RALGPS1: variants seen among roughly 807,000 people sequenced by gnomAD.
RALGPS1 encodes the protein Ral GEF with PH domain and SH3 binding motif 1.
A neutral mutation model predicts 78.8 loss-of-function variants in RALGPS1; 19 were observed. That is an observed-to-expected ratio of 0.24 (90% CI 0.17 to 0.35). RALGPS1 has a LOEUF of 0.35. RALGPS1 is among the 10% of genes least tolerant of loss of function. The pLI, the probability that RALGPS1 is intolerant of heterozygous loss-of-function variation, is 1.00. For synonymous variants in RALGPS1, 228 were observed against 256.3 expected (o/e 0.89, Z 1.06); for missense variants, 454 against 688.3 (o/e 0.66, Z 3.81).
At chr9:127,141,578 C>T (rs1385818294) in intron 8 of RALGPS1, among the ~76,000 whole-genome samples, 1 of 117,192 alleles carries the variant, frequency 8.5e-6, no homozygotes, top group African/African-American at 3.4e-5. Flanking sequence ...AATGAAACTT[C>T]AGAGACTCTC....
chr9:127,007,146 C>T (rs1485817321), intron 4 of RALGPS1, among the ~76,000 whole-genome samples: 1 of 152,182 alleles, frequency 6.6e-6, no homozygotes, highest in African/African-American at 2.4e-5. Flanking sequence ...CTTTGTCTCC[C>T]ATATGCTTAG....
intron 4 of RALGPS1, among the ~76,000 whole-genome samples, chr9:127,003,465 A>G (rs957461039): frequency 1.7e-4 from 26 of 152,106 alleles, no homozygotes; most frequent in Non-Finnish European, 2.6e-4. Context: ...GTTCATCATC[A>G]CTGGCCATCA....
chr9:127,147,632 C>T (rs1186061132), intron 8 of RALGPS1, among the ~76,000 whole-genome samples: 1 of 152,142 alleles, frequency 6.6e-6, no homozygotes, highest in Non-Finnish European at 1.5e-5. Context: ...TATTGAGTAG[C>T]GAGTCCTTTT....
rs1372611708 is a variant in RALGPS1, at chr9:127,166,150, A to G, written c.692A>G (p.Asn231Ser). ...ATCATGGAAAATGAACAAAGATCCA[A>G]TCAGATGAACAATATTCTTCGAATA... The part of the protein sequence containing the change: ...GSIMENEQRS[N>S]QMNNILRIIA... Residue 231 changes from asparagine (N) to serine (S), a missense_variant, in exon 9 of 19, where the codon AAT becomes AGT. By Grantham distance (46) the Asn-to-Ser change is conservative (BLOSUM62 1). Coordinates refer to ENST00000259351, the MANE Select transcript of RALGPS1 (RefSeq NM_014636.3). The G allele has an allele frequency of 1.2e-6, 2 of 1,613,932 alleles. No homozygotes were observed. Among genetic ancestry groups the G allele is most frequent in the South Asian group, 1.1e-5 (1 of 91,046 alleles).
At chr9:127,021,571 G>A (rs1363648896) in intron 4 of RALGPS1, among the ~76,000 whole-genome samples, 2 of 144,900 alleles carry the variant, frequency 1.4e-5, no homozygotes, top group African/African-American at 2.5e-5. Flanking sequence ...CAGGTTTTCT[G>A]TAATGAACAT....
At chr9:127,033,803 A>G (rs2134630906) in intron 4 of RALGPS1, among the ~76,000 whole-genome samples, 1 of 152,348 alleles carries the variant, frequency 6.6e-6, no homozygotes, top group Middle Eastern at 3.4e-3. Flanking sequence ...TAGATAATTC[A>G]GTTCTTCAAA....
intron 11 of RALGPS1, among the ~76,000 whole-genome samples, chr9:127,193,377 T>A (rs1009308823): frequency 6.6e-6 from 1 of 151,758 alleles, no homozygotes; most frequent in Non-Finnish European, 1.5e-5. Flanking sequence ...TTATTGAGAA[T>A]AAGAAAGTTG....
intron 4 of RALGPS1, among the ~76,000 whole-genome samples, chr9:127,024,317 G>A (rs2045770228): frequency 6.6e-6 from 1 of 151,292 alleles, no homozygotes; most frequent in Admixed American, 6.6e-5. Flanking sequence ...CCTCCCCAAA[G>A]GTACACTCTT....
chr9:127,168,383 T>C (rs1253726692), intron 9 of RALGPS1, among the ~76,000 whole-genome samples: 1 of 152,200 alleles, frequency 6.6e-6, no homozygotes, highest in Non-Finnish European at 1.5e-5. Flanking sequence ...GTCCCTGATA[T>C]CTGAGTGGAG....
At chr9:127,109,102 C>T (rs955198629) in intron 8 of RALGPS1, among the ~76,000 whole-genome samples, 7 of 152,206 alleles carry the variant, frequency 4.6e-5, no homozygotes, top group African/African-American at 1.4e-4. Flanking sequence ...GCCTGAGAAT[C>T]GTATCCAGGC....
chr9:126,933,977 T>C (rs2036037932), intron 1 of RALGPS1, among the ~76,000 whole-genome samples: 1 of 152,014 alleles, frequency 6.6e-6, no homozygotes, highest in Non-Finnish European at 1.5e-5. Flanking sequence ...TCAGAATGCG[T>C]TTTCCCACAG....
chr9:126,961,140 G>T (rs910314600), intron 1 of RALGPS1, among the ~76,000 whole-genome samples: 1 of 152,196 alleles, frequency 6.6e-6, no homozygotes, highest in Non-Finnish European at 1.5e-5. Flanking sequence ...TGTGGTAAAT[G>T]CTCTTCTAGA....
intron 8 of RALGPS1, among the ~76,000 whole-genome samples, chr9:127,150,053 C>T (rs1371198870): frequency 6.6e-6 from 1 of 152,252 alleles, no homozygotes; most frequent in African/African-American, 2.4e-5. Context: ...GCAGTGTCAG[C>T]TCTGCCACAC....
intron 5 of RALGPS1, among the ~76,000 whole-genome samples, chr9:127,043,756 G>T (rs551556510): frequency 6.6e-6 from 1 of 152,242 alleles, no homozygotes; most frequent in South Asian, 2.1e-4. Flanking sequence ...TCAACAATAA[G>T]AAAATAGCCC....
intron 8 of RALGPS1, among the ~76,000 whole-genome samples, chr9:127,149,571 AG>A (rs1588173309): frequency 6.6e-6 from 1 of 152,236 alleles, no homozygotes; most frequent in East Asian, 1.9e-4. Context: ...GCCCCCTCTG[AG>A]GGCAAGGCCT....
At chr9:127,143,182 T>A (rs185461424) in intron 8 of RALGPS1, among the ~76,000 whole-genome samples, 159 of 152,354 alleles carry the variant, frequency 1.0e-3, no homozygotes, top group African/African-American at 3.8e-3. Context: ...TACAATGTTT[T>A]CCCTTCTTTT....
intron 7 of RALGPS1, among the ~76,000 whole-genome samples, chr9:127,066,073 T>C (rs1452174259): frequency 4.6e-5 from 7 of 152,134 alleles, no homozygotes; most frequent in Non-Finnish European, 8.8e-5. Flanking sequence ...GCATAGAAGA[T>C]AGGCTGATCA....
chr9:127,218,693 T>C lies in RALGPS1; in HGVS notation c.1645-47T>C. 1 of 1,597,410 alleles carries C rather than the reference T, an allele frequency of 6.3e-7. No individual in the cohort carries two copies. The highest frequency in any genetic ancestry group is 8.6e-7 in the Non-Finnish European group (1 of 1,164,770). On this transcript the variant is annotated intron_variant, in intron 18 of 18. Transcript: ENST00000259351. This position sits in a 1 kb window ranked among gnomAD's most constrained non-coding sequence, Gnocchi z 4.4. ...CCCTAGGGACCACCACCCCTTGTCC[T>C]TCTCTGAGGTCGGAACTTTAACAAG...
At chr9:127,111,812 C>T (rs764792481) in intron 8 of RALGPS1, among the ~76,000 whole-genome samples, 1 of 152,204 alleles carries the variant, frequency 6.6e-6, no homozygotes, top group Non-Finnish European at 1.5e-5. Flanking sequence ...GGTGGCAGAA[C>T]CAGGGCTCAA....
Sources: gnomAD v4.1 joint callset for allele counts (sites outside exome capture counted in the v4.1 genomes callset) on GRCh38, gnomAD v4.1.1 for gene constraint, Gnocchi (gnomAD v3.1) non-coding constraint, MANE v1.5 for transcripts, NCBI Gene and HGNC (gene_info 2026-07-23, HGNC 2026-07-21) for gene names.